The following SLC36A1 variants were observed in gnomAD, a reference collection of about 807,000 sequenced individuals.
SLC36A1 encodes the protein proton-coupled amino acid transporter 1.
A neutral mutation model predicts 47.5 loss-of-function variants in SLC36A1; 30 were observed. The ratio of observed to expected loss-of-function variants is 0.63; its 90% CI spans 0.47 to 0.86. The LOEUF (loss-of-function observed/expected upper bound fraction) is 0.86. Ranked by LOEUF, SLC36A1 falls within the 40% of genes least tolerant of loss-of-function variation. The pLI, the probability that SLC36A1 is intolerant of heterozygous loss-of-function variation, is 0.00. For synonymous variants in SLC36A1, 255 were observed against 249.7 expected (o/e 1.02, Z -0.20); for missense variants, 517 against 606.0 (o/e 0.85, Z 1.54).
chr5:151,532,150 C>A, the SLC36A1 span, among the ~76,000 whole-genome samples: 1 of 152,152 alleles, frequency 6.6e-6, no homozygotes, highest in African/African-American at 2.4e-5. Flanking sequence ...GGCAGGGAGA[C>A]CCAAGGCCTC....
At chr5:151,520,924 CA>C in the SLC36A1 span, among the ~76,000 whole-genome samples, 1 of 152,214 alleles carries the variant, frequency 6.6e-6, no homozygotes, top group East Asian at 1.9e-4. Flanking sequence ...CAGCCCAGCT[CA>C]AAGGCACAGA....
the SLC36A1 span, chr5:151,507,457 G>A: frequency 2.5e-5 from 41 of 1,614,030 alleles, no homozygotes; most frequent in Admixed American, 3.0e-4. Flanking sequence ...GACTTGCAAC[G>A]GCGGCAGTAG....
chr5:151,367,360 C>CTTTTTTTTTTTT, the SLC36A1 span, among the ~76,000 whole-genome samples: 1 of 64,368 alleles, frequency 1.6e-5, no homozygotes, highest in African/African-American at 1.5e-4. Flanking sequence ...CCCAGGAATG[C>CTTTTTTTTTTTT]ATTTTTTTTT....
the SLC36A1 span, among the ~76,000 whole-genome samples, chr5:151,409,984 C>T: frequency 6.6e-6 from 1 of 152,154 alleles, no homozygotes; most frequent in Non-Finnish European, 1.5e-5. Flanking sequence ...CACTATATAC[C>T]AGGCAGAATC....
the SLC36A1 span, among the ~76,000 whole-genome samples, chr5:151,418,006 A>G: frequency 2.4e-4 from 36 of 152,256 alleles, no homozygotes; most frequent in African/African-American, 8.0e-4. Context: ...AAAAGGTGCC[A>G]ACATAGAGCT....
intron 6 of SLC36A1, among the ~76,000 whole-genome samples, 184 bp from the exon 7 acceptor site, chr5:151,467,523 A>G (rs1204097117): frequency 6.6e-6 from 1 of 152,174 alleles, no homozygotes; most frequent in Non-Finnish European, 1.5e-5. Flanking sequence ...GATCAAACCT[A>G]GCTCAGACAA....
the SLC36A1 span, chr5:151,521,873 G>C: frequency 1.9e-6 from 3 of 1,614,184 alleles, no homozygotes; most frequent in South Asian, 3.3e-5. Context: ...TGCCTGCCCA[G>C]GGTCTCCTCT....
At chr5:151,507,234 G>T in the SLC36A1 span, 2 of 1,613,958 alleles carry the variant, frequency 1.2e-6, no homozygotes, top group Non-Finnish European at 1.7e-6. Flanking sequence ...CGGGAGTCTG[G>T]GGGGCACACT....
At chr5:151,529,089 C>T in the SLC36A1 span, 2 of 1,109,688 alleles carry the variant, frequency 1.8e-6, no homozygotes, top group Admixed American at 1.8e-5. Context: ...ATAAACTAAT[C>T]CATGCTCATA....
At chr5:151,464,329 TAA>T (rs1305792803) in intron 3 of SLC36A1, among the ~76,000 whole-genome samples, 183 bp from the exon 4 acceptor site, 4 of 152,248 alleles carry the variant, frequency 2.6e-5, no homozygotes. Flanking sequence ...AAAGTTCAGA[TAA>T]CACCCATCTC....
the SLC36A1 span, chr5:151,529,314 C>T: frequency 6.2e-7 from 1 of 1,614,044 alleles, no homozygotes; most frequent in South Asian, 1.1e-5. Context: ...GGAAGAGGAG[C>T]TCTTCCGGCT....
the SLC36A1 span, among the ~76,000 whole-genome samples, chr5:151,533,617 C>A: frequency 6.6e-6 from 1 of 152,124 alleles, no homozygotes; most frequent in African/African-American, 2.4e-5. Flanking sequence ...CTTTTATCAT[C>A]ATCATTTTCC....
chr5:151,441,390 A>G (rs1752622183), intron 1 of SLC36A1, among the ~76,000 whole-genome samples: 1 of 152,252 alleles, frequency 6.6e-6, no homozygotes, highest in Non-Finnish European at 1.5e-5. Context: ...AATGTATGTT[A>G]ATATACATCA....
Position 151,488,281 on chromosome 5 carries a change from C to T in SLC36A1, c.*27C>T. ...GATCTGGGTTCGTCTCTGCAGCTGC[C>T]TACCCCTGCCCCATGTGTCCCCCGT... On this transcript the variant is annotated 3_prime_UTR_variant, in exon 11 of 11. Transcript: ENST00000243389. The T allele has an allele frequency of 6.2e-7, 1 of 1,608,518 alleles. No individual in the cohort carries two copies. Among genetic ancestry groups the T allele is most frequent in the South Asian group, 1.1e-5 (1 of 90,200 alleles).
At chr5:151,447,117 A>G (rs2127445004), upstream of SLC36A1, among the ~76,000 whole-genome samples, 1 of 152,368 alleles carries the variant, frequency 6.6e-6, no homozygotes, top group East Asian at 1.9e-4. Flanking sequence ...CCTAGATAAT[A>G]CAATACTGAA....
chr5:151,485,080 G>A (rs901740056), intron 10 of SLC36A1, among the ~76,000 whole-genome samples: 7 of 152,116 alleles, frequency 4.6e-5, no homozygotes, highest in Non-Finnish European at 1.0e-4. Flanking sequence ...TTTGTCATCA[G>A]CCTACAATTT....
At chr5:151,548,592 T>A in the SLC36A1 span, among the ~76,000 whole-genome samples, 1 of 152,136 alleles carries the variant, frequency 6.6e-6, no homozygotes, top group Non-Finnish European at 1.5e-5. Context: ...GCGATTCTCC[T>A]CCCTCAGCCT....
chr5:151,550,021 A>G, the SLC36A1 span, among the ~76,000 whole-genome samples: 1 of 152,156 alleles, frequency 6.6e-6, no homozygotes, highest in Non-Finnish European at 1.5e-5. Context: ...AAATAACTGT[A>G]TGACAGTGAG....
the SLC36A1 span, among the ~76,000 whole-genome samples, chr5:151,400,252 T>C: frequency 3.9e-5 from 6 of 152,218 alleles, no homozygotes; most frequent in African/African-American, 1.2e-4. Context: ...AGTGAGAATA[T>C]GTGGTATTTG....
Sources: allele counts gnomAD v4.1 joint callset (sites outside exome capture counted in the v4.1 genomes callset), GRCh38; gene constraint gnomAD v4.1.1; transcripts MANE v1.5; gene names NCBI Gene and HGNC (gene_info 2026-07-23, HGNC 2026-07-21).